Variants in LYPD6 observed in about 807,000 individuals in gnomAD.
The protein encoded by LYPD6 is ly6/PLAUR domain-containing protein 6.
Under a neutral mutation model 22.7 loss-of-function variants are expected in LYPD6, and 15 were observed. That is an observed-to-expected ratio of 0.66 (90% CI 0.44 to 1.02). The LOEUF (loss-of-function observed/expected upper bound fraction) is 1.02. LYPD6 is among the 50% of genes least tolerant of loss of function. LYPD6 has a pLI of 0.00. For synonymous variants in LYPD6, 72 were observed against 77.5 expected (o/e 0.93, Z 0.37); for missense variants, 189 against 208.4 (o/e 0.91, Z 0.57).
chr2:149,411,962 T>C (rs575422355), intron 1 of LYPD6, among the ~76,000 whole-genome samples: 1 of 152,338 alleles, frequency 6.6e-6, no homozygotes, highest in African/African-American at 2.4e-5. Flanking sequence ...TAATATAGCA[T>C]ATGGTCTTCT....
chr2:149,338,126 G>A (rs1376155778), intron 1 of LYPD6, among the ~76,000 whole-genome samples: 1 of 152,158 alleles, frequency 6.6e-6, no homozygotes, highest in Non-Finnish European at 1.5e-5. Context: ...ACACATTCAT[G>A]TGTTTTTATG....
chr2:149,377,793 AC>A (rs1681961952), intron 1 of LYPD6, among the ~76,000 whole-genome samples: 1 of 37,024 alleles, frequency 2.7e-5, no homozygotes, highest in South Asian at 1.4e-3. Context: ...CCCCCCCCCC[AC>A]CCCCCCAAAA....
chr2:149,444,628 G>A (rs1683641744), intron 2 of LYPD6, among the ~76,000 whole-genome samples: 1 of 152,056 alleles, frequency 6.6e-6, no homozygotes, highest in Non-Finnish European at 1.5e-5. Flanking sequence ...ATCTTCACCA[G>A]GAGTAGATTC....
At chr2:149,332,652 T>A (rs894457256) in intron 1 of LYPD6, among the ~76,000 whole-genome samples, 1 of 152,216 alleles carries the variant, frequency 6.6e-6, no homozygotes, top group African/African-American at 2.4e-5. Context: ...CCTCACCCGT[T>A]CCCTTCCTTC....
Position 149,449,159 on chromosome 2 carries a change from G to A in LYPD6, c.217+12G>A. 2 of 1,599,922 alleles carry A rather than the reference G, an allele frequency of 1.3e-6. No individual in the cohort carries two copies. Among genetic ancestry groups the A allele is most frequent in the Non-Finnish European group, 1.7e-6 (2 of 1,169,270 alleles). ...CTACTGCCCTCGAGGTAAACTCTCA[G>A]TAGACTGATTGGGGTCCCCTGGGCT... On this transcript the variant is annotated intron_variant, in intron 3 of 4. Coordinates refer to ENST00000334166, the MANE Select transcript of LYPD6 (RefSeq NM_194317.5).
At chr2:149,391,789 G>A (rs1487687647) in intron 1 of LYPD6, among the ~76,000 whole-genome samples, 1 of 152,190 alleles carries the variant, frequency 6.6e-6, no homozygotes, top group African/African-American at 2.4e-5. Flanking sequence ...AATAGAAGGT[G>A]TATTAGAAGG....
intron 1 of LYPD6, among the ~76,000 whole-genome samples, chr2:149,360,557 A>G (rs931708432): frequency 1.1e-4 from 16 of 150,768 alleles, no homozygotes; most frequent in African/African-American, 3.4e-4. Context: ...TGTCTCTCAC[A>G]TCTATCTTTG....
At chr2:149,347,816 C>T (rs916874952) in intron 1 of LYPD6, among the ~76,000 whole-genome samples, 25 of 152,096 alleles carry the variant, frequency 1.6e-4, no homozygotes, top group African/African-American at 5.8e-4. Flanking sequence ...CTATATTTAA[C>T]ATGTCCAACT....
intron 2 of LYPD6, among the ~76,000 whole-genome samples, chr2:149,440,825 C>G (rs1452409880): frequency 6.6e-6 from 1 of 151,186 alleles, no homozygotes; most frequent in African/African-American, 2.4e-5. Context: ...CTCAGCCTCC[C>G]GAGAAGCTGG....
chr2:149,464,243 G>C, intron 3 of LYPD6: 2 of 309,342 alleles, frequency 6.5e-6, no homozygotes, highest in Non-Finnish European at 1.3e-5. Flanking sequence ...GAAGAGAGAA[G>C]ATTAGCATTG....
intron 1 of LYPD6, among the ~76,000 whole-genome samples, chr2:149,353,563 A>G (rs966770309): frequency 1.3e-5 from 2 of 152,164 alleles, no homozygotes; most frequent in African/African-American, 4.8e-5. Flanking sequence ...CCTGTGATAT[A>G]TACTATGGAG....
At chr2:149,349,101 T>C (rs1681313926) in intron 1 of LYPD6, among the ~76,000 whole-genome samples, 1 of 152,006 alleles carries the variant, frequency 6.6e-6, no homozygotes, top group African/African-American at 2.4e-5. Flanking sequence ...CACCTTAGAT[T>C]TGAGACACCT....
At chr2:149,331,062 G>C (rs13389107) in intron 1 of LYPD6, among the ~76,000 whole-genome samples, 21,664 of 152,144 alleles carry the variant, frequency 0.14, 1,985 homozygotes, top group Middle Eastern at 0.26. Context: ...ATCTTCTCAC[G>C]GCCCAACATG....
intron 1 of LYPD6, among the ~76,000 whole-genome samples, chr2:149,334,889 A>G (rs1464913057): frequency 7.2e-5 from 11 of 152,064 alleles, no homozygotes; most frequent in Admixed American, 6.5e-4. Context: ...ATACGAGTAT[A>G]GTGGAGCTGA....
At chr2:149,465,732 G>T (rs888102) in intron 3 of LYPD6, among the ~76,000 whole-genome samples, 112,841 of 152,196 alleles carry the variant, frequency 0.74, 42,335 homozygotes, top group East Asian at 0.86. Flanking sequence ...CTTTCAGAAC[G>T]AGATTATGAA....
At position 149,470,732 on chromosome 2, in the gene LYPD6, G is replaced by A. The variant is rs201110764; in HGVS notation, c.398G>A (p.Arg133Gln). The change falls in exon 5 of 5, where the codon CGA (arginine) becomes CAA (glutamine). Residue 133 changes from arginine to glutamine, a missense_variant. Transcript: ENST00000334166. ...AATATCTGTAACTTGCCACTGCCCC[G>A]AAATGAAACTGATGCCACATTTGCC... ...EGNICNLPLP[R>Q]NETDATFATT... is the part of the protein sequence containing the mutation. The A allele has an allele frequency of 4.6e-5, 75 of 1,613,634 alleles. No homozygotes were observed. Among genetic ancestry groups the A allele is most frequent in the Admixed American group, 2.7e-4 (16 of 59,978 alleles).
At chr2:149,346,061 C>A in intron 1 of LYPD6, among the ~76,000 whole-genome samples, 1 of 152,156 alleles carries the variant, frequency 6.6e-6, no homozygotes, top group Non-Finnish European at 1.5e-5. Flanking sequence ...AGCAGACTCT[C>A]CCTACTTGAT....
intron 1 of LYPD6, among the ~76,000 whole-genome samples, chr2:149,348,715 G>A (rs1681306804): frequency 6.6e-6 from 1 of 152,194 alleles, no homozygotes; most frequent in Admixed American, 6.5e-5. Context: ...TGTGAGTTGG[G>A]GAGCCATTAG....
chr2:149,411,692 G>A (rs1325158264), intron 1 of LYPD6, among the ~76,000 whole-genome samples: 1 of 152,274 alleles, frequency 6.6e-6, no homozygotes, highest in Non-Finnish European at 1.5e-5. Flanking sequence ...AGCATATTTT[G>A]CAGAATACCA....
Sources: gnomAD v4.1 joint callset for allele counts (sites outside exome capture counted in the v4.1 genomes callset) on GRCh38, gnomAD v4.1.1 for gene constraint, MANE v1.5 for transcripts, NCBI Gene and HGNC (gene_info 2026-07-23, HGNC 2026-07-21) for gene names.